MAP2K5: variants seen among roughly 807,000 people sequenced by gnomAD.
MAP2K5 encodes mitogen-activated protein kinase kinase 5.
MAP2K5 carries 49 observed loss-of-function variants against 83.1 expected under a neutral mutation model. The observed-to-expected ratio is 0.59, with a 90% CI of 0.47 to 0.75. The LOEUF (loss-of-function observed/expected upper bound fraction) is 0.75, where lower values mean the gene tolerates loss of function less well. Among genes scored for constraint, MAP2K5 ranks in the 30% least tolerant of loss-of-function variants. The pLI is 0.00. For missense variants in MAP2K5, 457 were observed against 557.5 expected (o/e 0.82, Z 1.82); for synonymous variants, 202 against 191.8 (o/e 1.05, Z -0.44).
At chr15:67,615,998 G>A (rs1310964929) in intron 8 of MAP2K5, among the ~76,000 whole-genome samples, 1 of 152,082 alleles carries the variant, frequency 6.6e-6, no homozygotes, top group Non-Finnish European at 1.5e-5. Context: ...AGTCTCATGT[G>A]GGTATCTCCT....
In MAP2K5 at chr15:67,764,261, G is replaced by A. The variant is rs1315287953; in HGVS notation, c.1135-5341G>A. The stretch of plus-strand genomic sequence containing the variant: ...TAAGGTTTGAAGGAATGTCTGTTTT[G>A]TATAAGGAGAAGGGAACAGGACCCA... On this transcript the variant is annotated intron_variant, in intron 19 of 21. Coordinates refer to ENST00000178640, the MANE Select transcript of MAP2K5 (RefSeq NM_145160.3). The surrounding 1 kb of genome is among the most constrained non-coding windows in gnomAD (Gnocchi z 4.9). Among the ~76,000 whole-genome samples, 1 of 152,182 alleles carries A rather than the reference G, an allele frequency of 6.6e-6. No individual in the cohort carries two copies. The highest frequency in any genetic ancestry group is 1.5e-5 in the Non-Finnish European group (1 of 68,038).
chr15:67,804,586 G>A (rs2090764833), intron 21 of MAP2K5, among the ~76,000 whole-genome samples: 1 of 152,252 alleles, frequency 6.6e-6, no homozygotes, highest in Non-Finnish European at 1.5e-5. Context: ...CTTCTGGAAT[G>A]TGGAGGAACG....
At position 67,543,270 on chromosome 15, in the gene MAP2K5, A is replaced by G. The variant is rs2084330530; in HGVS notation, c.-66A>G. 6.4e-7 allele frequency: 1 copy of G among 1,571,534 alleles called. No homozygotes were observed. The highest frequency in any genetic ancestry group is 1.1e-5 in the South Asian group (1 of 88,726). ...CGTCACTCCCCTTGTCACCTCTTGG[A>G]GCCCCCTCCTAACCAGCGGCCAGTG... is the stretch of plus-strand genomic sequence containing the variant. On this transcript the variant is annotated 5_prime_UTR_variant, in exon 1 of 22. Coordinates refer to ENST00000178640, the MANE Select transcript of MAP2K5 (RefSeq NM_145160.3). The surrounding 1 kb of genome is among the most constrained non-coding windows in gnomAD (Gnocchi z 4.3).
At chr15:67,592,657 G>A (rs1197116620) in intron 6 of MAP2K5, among the ~76,000 whole-genome samples, 3 of 152,220 alleles carry the variant, frequency 2.0e-5, no homozygotes, top group East Asian at 1.9e-4. Flanking sequence ...CCATAAAAAT[G>A]TCACTGAAGT....
At chr15:67,549,173 G>C (rs1596544032) in intron 1 of MAP2K5, 1 of 1,535,562 alleles carries the variant, frequency 6.5e-7, no homozygotes, top group Non-Finnish European at 8.7e-7. Flanking sequence ...ATTGGAGTTG[G>C]ACTGGACATG....
intron 9 of MAP2K5, among the ~76,000 whole-genome samples, chr15:67,631,576 C>G (rs2086474831): frequency 6.6e-6 from 1 of 152,154 alleles, no homozygotes; most frequent in Non-Finnish European, 1.5e-5. Context: ...ACTGAAATAC[C>G]CAAGCACAAC....
chr15:67,739,299 T>TA (rs2089416125), intron 17 of MAP2K5, among the ~76,000 whole-genome samples: 1 of 147,912 alleles, frequency 6.8e-6, no homozygotes, highest in Non-Finnish European at 1.5e-5. Flanking sequence ...AAAAAAAAGA[T>TA]AAAGTAAGTC....
intron 21 of MAP2K5, among the ~76,000 whole-genome samples, chr15:67,796,833 G>A (rs1229336962): frequency 6.6e-6 from 1 of 152,188 alleles, no homozygotes; most frequent in South Asian, 2.1e-4. Flanking sequence ...AGGAAGTAGG[G>A]TGTCCAGACT....
rs1300209182 is a variant in MAP2K5, at chr15:67,780,207, G to A, written c.1242+7455G>A. On this transcript the variant is annotated intron_variant, in intron 21 of 21. Coordinates refer to ENST00000178640, the MANE Select transcript of MAP2K5 (RefSeq NM_145160.3). The surrounding 1 kb of genome is among the most constrained non-coding windows in gnomAD (Gnocchi z 5.0). ...TCAGAGTTACCTCAGAGGTTTAAAA[G>A]GCTAAAGAAAAAAATGCCTGGATCC... Among the ~76,000 whole-genome samples the A allele has an allele frequency of 1.3e-5, 2 of 151,574 alleles. No homozygotes were observed. The highest frequency in any genetic ancestry group is 2.4e-5 in the African/African-American group (1 of 41,222).
intron 8 of MAP2K5, among the ~76,000 whole-genome samples, chr15:67,620,516 T>C (rs2086157824): frequency 2.0e-5 from 3 of 151,960 alleles, no homozygotes; most frequent in African/African-American, 4.8e-5. Context: ...AACCACAGGG[T>C]AGGAAATCTA....
At chr15:67,576,544 G>A (rs1411500412) in intron 3 of MAP2K5, among the ~76,000 whole-genome samples, 1 of 147,494 alleles carries the variant, frequency 6.8e-6, no homozygotes. Flanking sequence ...AGCTCAGAGG[G>A]ACTCTGAAAC....
chr15:67,600,745 T>C lies in MAP2K5; in HGVS notation c.541T>C (p.Tyr181His). ...TLGHGNGGTV[Y>H]KAYHVPSGKI... is the part of the protein sequence containing the mutation. The stretch of plus-strand genomic sequence containing the variant: ...TGGTCATGGCAACGGAGGCACAGTC[T>C]ACAAGTGAGTAGTCAATTTTGTTTA... The change falls in exon 8 of 22, where the codon TAC (tyrosine) becomes CAC (histidine). Residue 181 changes from tyrosine (Y) to histidine (H), a missense_variant. By Grantham distance (83) the Tyr-to-His change is moderately conservative. Transcript: ENST00000178640. 1 of 1,601,876 alleles carries C rather than the reference T, an allele frequency of 6.2e-7. No homozygotes were observed. The highest frequency in any genetic ancestry group is 8.5e-7 in the Non-Finnish European group (1 of 1,175,864).
At chr15:67,569,005 C>CAAAAAAAAAAAAAAAAAAAAAAAAAAA (rs71142380) in intron 3 of MAP2K5, among the ~76,000 whole-genome samples, 1 of 91,206 alleles carries the variant, frequency 1.1e-5, no homozygotes, top group African/African-American at 4.3e-5. Context: ...GACTCCATCT[C>CAAAAAAAAAAAAAAAAAAAAAAAAAAA]AAAAAAAAAA....
chr15:67,555,686 A>G lies in MAP2K5; in HGVS notation c.184+5604A>G, dbSNP rs896944780. Among the ~76,000 whole-genome samples, 27 of 152,194 alleles carry G rather than the reference A, an allele frequency of 1.8e-4. No homozygotes were observed. Among genetic ancestry groups the G allele is most frequent in the Admixed American group, 1.6e-3 (24 of 15,284 alleles). Reference sequence around the variant, plus strand: ...AAACCTTTTAGTCAATGTCAGTTTGATAGGTGAAAATATTACTGTGTTACT... The same window carrying G: ...AAACCTTTTAGTCAATGTCAGTTTGGTAGGTGAAAATATTACTGTGTTACT... On this transcript the variant is annotated intron_variant, in intron 2 of 21. Coordinates refer to ENST00000178640, the MANE Select transcript of MAP2K5 (RefSeq NM_145160.3). This position sits in a 1 kb window ranked among gnomAD's most constrained non-coding sequence, Gnocchi z 5.2.
At chr15:67,600,071 C>T (rs916117423) in intron 7 of MAP2K5, among the ~76,000 whole-genome samples, 9 of 152,094 alleles carry the variant, frequency 5.9e-5, no homozygotes, top group Admixed American at 1.3e-4. Context: ...TTATAATATT[C>T]GACTATATGT....
chr15:67,613,806 C>T (rs924688144), intron 8 of MAP2K5, among the ~76,000 whole-genome samples: 1 of 151,548 alleles, frequency 6.6e-6, no homozygotes, highest in African/African-American at 2.4e-5. Flanking sequence ...ATATTTTTGT[C>T]ATAGGGGACA....
At position 67,760,636 on chromosome 15, in the gene MAP2K5, A is replaced by G. The variant is rs963272140; in HGVS notation, c.1135-8966A>G. On this transcript the variant is annotated intron_variant, in intron 19 of 21. Coordinates refer to ENST00000178640, the MANE Select transcript of MAP2K5 (RefSeq NM_145160.3). The surrounding 1 kb of genome is among the most constrained non-coding windows in gnomAD (Gnocchi z 4.1). The stretch of plus-strand genomic sequence containing the variant: ...TGCATCTTTAGGCAGTCATTGAACA[A>G]GTAGCTTTGTGTTATTTCCTTTGAA... Among the ~76,000 whole-genome samples the G allele has an allele frequency of 1.3e-5, 2 of 152,108 alleles. No individual in the cohort carries two copies. The highest frequency in any genetic ancestry group is 4.8e-5 in the African/African-American group (2 of 41,412).
chr15:67,609,261 G>GGACT (rs1354161125), intron 8 of MAP2K5, among the ~76,000 whole-genome samples: 4 of 152,040 alleles, frequency 2.6e-5, no homozygotes, highest in Non-Finnish European at 5.9e-5. Context: ...ACTGTGCCAA[G>GGACT]GACTATTCCA....
At position 67,782,808 on chromosome 15, in the gene MAP2K5, T is replaced by C. The variant is rs1026303736; in HGVS notation, c.1242+10056T>C. On this transcript the variant is annotated intron_variant, in intron 21 of 21. Transcript: ENST00000178640. This position sits in a 1 kb window ranked among gnomAD's most constrained non-coding sequence, Gnocchi z 4.9. ...TTTATGCAGGGCCTGTGGCACCAGC[T>C]CTGGACTGGAAAGTCCCTTCTCCAA... Among the ~76,000 whole-genome samples, 19 of 152,228 alleles carry C rather than the reference T, an allele frequency of 1.2e-4. No individual in the cohort carries two copies. The highest frequency in any genetic ancestry group is 1.5e-5 in the Non-Finnish European group (1 of 68,026).
Sources: gnomAD v4.1 joint callset for allele counts (sites outside exome capture counted in the v4.1 genomes callset) on GRCh38, gnomAD v4.1.1 for gene constraint, Gnocchi (gnomAD v3.1) non-coding constraint, MANE v1.5 for transcripts, NCBI Gene and HGNC (gene_info 2026-07-23, HGNC 2026-07-21) for gene names.